PHIP: variants seen among roughly 807,000 people sequenced by gnomAD.
PHIP encodes PHIP subunit of CUL4-Ring ligase complex.
A neutral mutation model predicts 236.8 loss-of-function variants in PHIP; 54 were observed. The ratio of observed to expected loss-of-function variants is 0.23; its 90% CI spans 0.18 to 0.29. PHIP has a LOEUF of 0.29. PHIP is among the 10% of genes least tolerant of loss of function. The pLI is 1.00. For synonymous variants in PHIP, 756 were observed against 718.9 expected (o/e 1.05, Z -0.83); for missense variants, 1,370 against 2,190.8 (o/e 0.63, Z 7.48).
chr6:79,000,747 A>G (rs986211298), intron 17 of PHIP, among the ~76,000 whole-genome samples: 4 of 151,978 alleles, frequency 2.6e-5, no homozygotes, highest in South Asian at 2.1e-4. Context: ...ATCTGTCCAT[A>G]CTTCTCGAAT....
At chr6:79,066,167 ACTTT>A (rs1410765253) in intron 4 of PHIP, among the ~76,000 whole-genome samples, 3 of 152,120 alleles carry the variant, frequency 2.0e-5, no homozygotes, top group Non-Finnish European at 4.4e-5. Context: ...TATACGAGTT[ACTTT>A]CTGTGACCCT....
chr6:78,965,804 T>C lies in PHIP; in HGVS notation c.3318-40A>G, dbSNP rs780834505. On this transcript the variant is annotated intron_variant, in intron 28 of 39. Transcript: ENST00000275034. ...AATCATTATATTAAAAAATCTAAAT[T>C]ATTGTATCACAATTTTAATAAAATC... is the stretch of plus-strand genomic sequence containing the variant. The C allele has an allele frequency of 7.2e-6, 9 of 1,246,626 alleles. No individual in the cohort carries two copies. In the Admixed American group the frequency reaches 1.5e-4, roughly 21 times the overall value. 77.2% of individuals were successfully genotyped at this position (1,246,626 alleles called of 1,614,324 possible).
At chr6:79,065,814 CA>C (rs1773595859) in intron 4 of PHIP, among the ~76,000 whole-genome samples, 1 of 144,568 alleles carries the variant, frequency 6.9e-6, no homozygotes, top group African/African-American at 2.6e-5. Flanking sequence ...ACAGAATAAA[CA>C]AAAATATTTT....
intron 4 of PHIP, among the ~76,000 whole-genome samples, chr6:79,063,502 C>T (rs1291571152): frequency 1.3e-5 from 2 of 152,118 alleles, no homozygotes; most frequent in South Asian, 2.1e-4. Flanking sequence ...CTGCAACCTC[C>T]GCCTCCCAGG....
At chr6:78,957,361 T>C (rs1332640097) in intron 32 of PHIP, 1 of 151,854 alleles carries the variant, frequency 6.6e-6, no homozygotes. Context: ...CTAATTTCAA[T>C]AAGGAAAACA....
intron 24 of PHIP, among the ~76,000 whole-genome samples, chr6:78,974,206 T>C: frequency 6.6e-6 from 1 of 152,022 alleles, no homozygotes; most frequent in Non-Finnish European, 1.5e-5. Context: ...CAAACTAGAA[T>C]TCAGGATTAA....
Position 78,970,171 on chromosome 6 carries a change from T to G in PHIP, c.3000A>C (p.Glu1000Asp), listed in dbSNP as rs1473108199. The change falls in exon 26 of 40, where the codon GAA becomes GAC. Residue 1000 changes from glutamate (E) to aspartate (D), a missense_variant and splice_region_variant. By Grantham distance (45) the Glu-to-Asp change is conservative. Coordinates refer to ENST00000275034, the MANE Select transcript of PHIP (RefSeq NM_017934.7). ...KQPWHKMELREQELMKIVGIK... is the reference protein window; with the variant it reads ...KQPWHKMELRDQELMKIVGIK... ...TGCCAACTATTTTCATAAGTTCTTG[T>G]TCCTGAGAGAGACAGAGAATATAAG... 1 of 1,610,472 alleles carries G rather than the reference T, an allele frequency of 6.2e-7. No homozygotes were observed. The highest frequency in any genetic ancestry group is 1.3e-5 in the African/African-American group (1 of 74,836).
intron 29 of PHIP, among the ~76,000 whole-genome samples, chr6:78,964,297 T>C (rs1466536119): frequency 6.6e-6 from 1 of 152,192 alleles, no homozygotes; most frequent in Non-Finnish European, 1.5e-5. Context: ...AGCTAATCAG[T>C]ATGACAATTT....
chr6:78,974,402 T>C (rs1767881143), intron 24 of PHIP, among the ~76,000 whole-genome samples: 1 of 151,652 alleles, frequency 6.6e-6, no homozygotes, highest in Non-Finnish European at 1.5e-5. Context: ...TTTATAGCAC[T>C]AAATGCCCAC....
chr6:79,022,466 A>G (rs1771166485), intron 9 of PHIP, among the ~76,000 whole-genome samples: 1 of 152,176 alleles, frequency 6.6e-6, no homozygotes, highest in Non-Finnish European at 1.5e-5. Context: ...CCTGCTAACA[A>G]TGTAACCTGC....
rs78534285 is a variant in PHIP at position 79,002,944 on chromosome 6, C to G, written c.1653+786G>C. On this transcript the variant is annotated intron_variant, in intron 16 of 39. Transcript: ENST00000275034. ...TGATATAAAATTATTAATATAAACT[C>G]AACCAGGACATAAATTTTATTATAT... Among the ~76,000 whole-genome samples, 8 of 152,146 alleles carry G rather than the reference C, an allele frequency of 5.3e-5. No individual in the cohort carries two copies. In the East Asian group the frequency reaches 1.5e-3, roughly 29 times the overall value.
chr6:78,966,666 C>T (rs532077803), intron 27 of PHIP, among the ~76,000 whole-genome samples: 3 of 152,316 alleles, frequency 2.0e-5, no homozygotes, highest in South Asian at 2.1e-4. Context: ...CAATTGCTGT[C>T]GTCGTATTAC....
At chr6:78,986,382 T>G (rs999528518) in intron 21 of PHIP, among the ~76,000 whole-genome samples, 5 of 152,202 alleles carry the variant, frequency 3.3e-5, no homozygotes, top group African/African-American at 9.6e-5. Context: ...TATGCTCCAA[T>G]AACAATAACA....
chr6:79,003,910 T>A (rs764350735), intron 15 of PHIP, 52 bp from the exon 16 acceptor site: 6 of 1,216,760 alleles, frequency 4.9e-6, no homozygotes, highest in Admixed American at 2.3e-5. Context: ...ATGAAAAGAA[T>A]TGGTCACTAT....
intron 24 of PHIP, among the ~76,000 whole-genome samples, chr6:78,972,528 G>A (rs1320791529): frequency 6.6e-6 from 1 of 152,216 alleles, no homozygotes; most frequent in Non-Finnish European, 1.5e-5. Flanking sequence ...GCTGGACGCA[G>A]AATGACTTTG....
At chr6:78,950,079 A>G (rs2127685971) in intron 35 of PHIP, among the ~76,000 whole-genome samples, 1 of 152,250 alleles carries the variant, frequency 6.6e-6, no homozygotes, top group Non-Finnish European at 1.5e-5. Context: ...CAAAATACAC[A>G]TTCACAGAAC....
In PHIP at chr6:78,965,993, G is replaced by T; in HGVS notation, c.3269C>A (p.Pro1090His). The change falls in exon 28 of 40, where the codon CCT (proline) becomes CAT (histidine). Residue 1090 changes from proline to histidine, a missense_variant. Physicochemically the swap from Pro to His is moderately conservative, Grantham distance 77. This residue lies in a region of PHIP where 238 missense variants were observed against 398.5 expected (regional missense o/e 0.60). Transcript: ENST00000275034. ...WWFGTIESQE[P>H]LQLEYPDSLF... ...ACTATCAGGGTACTCAAGTTGAAGA[G>T]GTTCCTGGCTTTCGATTGTTCCAAA... The T allele has an allele frequency of 6.2e-7, 1 of 1,613,602 alleles. No individual in the cohort carries two copies. Among genetic ancestry groups the T allele is most frequent in the South Asian group, 1.1e-5 (1 of 91,068 alleles).
intron 4 of PHIP, among the ~76,000 whole-genome samples, chr6:79,075,883 A>AT (rs1435175883): frequency 6.6e-6 from 1 of 152,092 alleles, no homozygotes; most frequent in Non-Finnish European, 1.5e-5. Context: ...CTTTGCGATA[A>AT]TTTTTTCAAA....
Position 78,988,287 on chromosome 6 carries a change from G to C in PHIP, c.2382C>G (p.His794Gln), listed in dbSNP as rs754314182. Reference protein sequence around the residue: ...GESKKQQTNQHNYRTRSALEE... With the variant: ...GESKKQQTNQQNYRTRSALEE... ...CCAATGCAGATCTTGTACGATAATT[G>C]TGTTGATTTGTCTGTTGCTTTTTGG... The change falls in exon 21 of 40, where the codon CAC (histidine) becomes CAG (glutamine). Residue 794 changes from histidine (H) to glutamine (Q), a missense_variant. By Grantham distance (24) the His-to-Gln change is conservative (BLOSUM62 0). Transcript: ENST00000275034. 1 of 1,606,308 alleles carries C rather than the reference G, an allele frequency of 6.2e-7. No individual in the cohort carries two copies. Among genetic ancestry groups the C allele is most frequent in the Non-Finnish European group, 8.5e-7 (1 of 1,174,202 alleles).
Sources: allele counts gnomAD v4.1 joint callset (sites outside exome capture counted in the v4.1 genomes callset), GRCh38; gene constraint gnomAD v4.1.1; regional missense constraint gnomAD v4.1.1; transcripts MANE v1.5; gene names NCBI Gene and HGNC (gene_info 2026-07-23, HGNC 2026-07-21).